Variants in ZNF148 observed in about 807,000 individuals in gnomAD.
ZNF148 encodes the protein zinc finger protein 148, also known as Beta-Enolase Repressor Factor-1.
ZNF148 carries 7 observed loss-of-function variants against 67.7 expected under a neutral mutation model. The observed-to-expected ratio is 0.10, with a 90% CI of 0.06 to 0.19. ZNF148 has a LOEUF of 0.19. ZNF148 is among the 10% of genes least tolerant of loss of function. The pLI, the probability that ZNF148 is intolerant of heterozygous loss-of-function variation, is 1.00. For synonymous variants in ZNF148, 333 were observed against 330.7 expected, an observed-to-expected ratio of 1.01 and a Z score of -0.08; for missense variants, 583 against 947.1, an observed-to-expected ratio of 0.62 and a Z score of 5.05.
rs144886250 is a variant in ZNF148, at chr3:125,339,172, C to A, written c.-233-7934G>T. On this transcript the variant is annotated intron_variant, in intron 1 of 8. Transcript: ENST00000360647. ...AGATTACAGGTGTGAGCCACCATCC[C>A]CAGCCAGAAACACTAGCTTCTATTA... is the stretch of plus-strand genomic sequence containing the variant. 3.2e-3 allele frequency among the ~76,000 whole-genome samples: 483 copies of A among 152,198 alleles called. 10 individuals are homozygous for A. The highest frequency in any genetic ancestry group is 3.4e-3 in the Middle Eastern group (1 of 294).
intron 2 of ZNF148, among the ~76,000 whole-genome samples, chr3:125,329,354 T>C (rs1408113499): frequency 2.4e-5 from 3 of 126,820 alleles, no homozygotes; most frequent in East Asian, 4.2e-4. Context: ...ATTTTACATA[T>C]ATAAAATTTT....
chr3:125,359,525 A>G (rs1942471338), intron 1 of ZNF148, among the ~76,000 whole-genome samples: 1 of 152,186 alleles, frequency 6.6e-6, no homozygotes, highest in South Asian at 2.1e-4. Context: ...AAAGAAAGTA[A>G]AGAGTCCACT....
In ZNF148 at chr3:125,283,646, T is replaced by A. The variant is rs546068191; in HGVS notation, c.460-4399A>T. Among the ~76,000 whole-genome samples the A allele has an allele frequency of 2.0e-5, 3 of 152,276 alleles. No homozygotes were observed. In the East Asian group the frequency reaches 5.8e-4, roughly 29 times the overall value. On this transcript the variant is annotated intron_variant, in intron 5 of 8. Coordinates refer to ENST00000360647, the MANE Select transcript of ZNF148 (RefSeq NM_021964.3). ...TACTATTCCATACTTCCTGTTTGCA[T>A]CCTCCGTCTTATAATCAGTTCATCT...
chr3:125,340,355 T>C (rs1941661545), intron 1 of ZNF148, among the ~76,000 whole-genome samples: 1 of 152,234 alleles, frequency 6.6e-6, no homozygotes, highest in South Asian at 2.1e-4. Context: ...GGCCTGAGGC[T>C]GTTTTCCACC....
At position 125,257,280 on chromosome 3, in the gene ZNF148, G is replaced by A. The variant is rs990023497; in HGVS notation, c.667+20446C>T. ...TTTTAAAATAGGTTTGGCCGGGCAC[G>A]GTGGCTCACGCCTGTAATCCCAGCA... On this transcript the variant is annotated intron_variant, in intron 7 of 8. Transcript: ENST00000360647. Among the ~76,000 whole-genome samples the A allele has an allele frequency of 1.6e-4, 24 of 152,058 alleles. 1 individual carries two copies. The highest frequency in any genetic ancestry group is 4.6e-4 in the African/African-American group (19 of 41,506).
At chr3:125,357,754 G>GT (rs1301580071) in intron 1 of ZNF148, 1 of 152,254 alleles carries the variant, frequency 6.6e-6, no homozygotes, top group Non-Finnish European at 1.5e-5. Context: ...ACCAAGGCCT[G>GT]TTTAAGCCCC....
At chr3:125,345,965 T>C (rs989765943) in intron 1 of ZNF148, among the ~76,000 whole-genome samples, 1 of 152,218 alleles carries the variant, frequency 6.6e-6, no homozygotes, top group African/African-American at 2.4e-5. Context: ...GGGGAGAATA[T>C]TCTTCAACTC....
intron 1 of ZNF148, among the ~76,000 whole-genome samples, chr3:125,349,194 A>C (rs1279963083): frequency 1.3e-5 from 2 of 152,240 alleles, no homozygotes; most frequent in Non-Finnish European, 2.9e-5. Flanking sequence ...TTTGACACCA[A>C]AAGCACGGGC....
chr3:125,236,194 T>C (rs551907040), intron 7 of ZNF148, among the ~76,000 whole-genome samples: 2 of 152,252 alleles, frequency 1.3e-5, no homozygotes, highest in African/African-American at 4.8e-5. Context: ...TAAATTATAC[T>C]GATGTAGTTC....
intron 1 of ZNF148, among the ~76,000 whole-genome samples, chr3:125,362,998 C>G (rs1942591339): frequency 6.6e-6 from 1 of 152,062 alleles, no homozygotes; most frequent in South Asian, 2.1e-4. Context: ...GGATATTTTC[C>G]CAAGGTCTGA....
intron 7 of ZNF148, among the ~76,000 whole-genome samples, chr3:125,277,163 G>A (rs1021976909): frequency 2.0e-5 from 3 of 152,184 alleles, no homozygotes; most frequent in African/African-American, 7.2e-5. Flanking sequence ...TGGTTTTACC[G>A]TTGGCAAAAA....
At chr3:125,268,930 T>G (rs1459290027) in intron 7 of ZNF148, among the ~76,000 whole-genome samples, 1 of 151,954 alleles carries the variant, frequency 6.6e-6, no homozygotes. Flanking sequence ...TGGGAGAAAA[T>G]ATTCACAAAC....
intron 1 of ZNF148, among the ~76,000 whole-genome samples, chr3:125,361,786 T>C (rs1942549569): frequency 1.3e-5 from 2 of 152,014 alleles, no homozygotes; most frequent in South Asian, 2.1e-4. Flanking sequence ...TGAGCCAAGA[T>C]TATGCCACTG....
At chr3:125,316,638 A>C (rs940336224) in intron 3 of ZNF148, among the ~76,000 whole-genome samples, 33 of 152,160 alleles carry the variant, frequency 2.2e-4, no homozygotes. Context: ...TGCCATTTAT[A>C]TCTCTTCTTT....
At position 125,233,811 on chromosome 3, in the gene ZNF148, T is replaced by C; in HGVS notation, c.915A>G (p.Thr305=). Residue 305 remains threonine, a synonymous_variant, in exon 9 of 9, where the codon ACA becomes ACG. Coordinates refer to ENST00000360647, the MANE Select transcript of ZNF148 (RefSeq NM_021964.3). This position sits in a 1 kb window ranked among gnomAD's most constrained non-coding sequence, Gnocchi z 5.1. ...LTSEEDSGFS[T]SPKDNSLPKK... ...TTGGCAGTGAGTTGTCTTTTGGTGA[T>C]GTAGAAAAGCCAGAATCTTCCTCAG... is the stretch of plus-strand genomic sequence containing the variant. The C allele has an allele frequency of 5.6e-6, 9 of 1,613,886 alleles. No homozygotes were observed. The highest frequency in any genetic ancestry group is 7.6e-6 in the Non-Finnish European group (9 of 1,179,902).
chr3:125,264,405 G>A (rs1937479143), intron 7 of ZNF148, among the ~76,000 whole-genome samples: 2 of 152,202 alleles, frequency 1.3e-5, no homozygotes. Context: ...GCCGGCTGGT[G>A]TCCAAAGAGT....
chr3:125,232,273 A>G lies in ZNF148; in HGVS notation c.*68T>C. 6.7e-7 allele frequency: 1 copy of G among 1,498,238 alleles called. No individual in the cohort carries two copies. Among genetic ancestry groups the G allele is most frequent in the Non-Finnish European group, 8.9e-7 (1 of 1,124,314 alleles). The allele number at this position is 1,498,238 out of a possible 1,614,324, so 92.8% of individuals were successfully genotyped here. A position where few individuals can be genotyped will look rare whatever the true frequency, so the allele number is the denominator to read the frequency against. On this transcript the variant is annotated 3_prime_UTR_variant, in exon 9 of 9. Coordinates refer to ENST00000360647, the MANE Select transcript of ZNF148 (RefSeq NM_021964.3). This position sits in a 1 kb window ranked among gnomAD's most constrained non-coding sequence, Gnocchi z 4.2. ...TAAATCTGTACAGCACTCCATTTAC[A>G]CAGAGTAACCCCACTCTTGATTAAT...
chr3:125,258,535 G>A (rs575151631), intron 7 of ZNF148, among the ~76,000 whole-genome samples: 2 of 151,902 alleles, frequency 1.3e-5, no homozygotes, highest in South Asian at 2.1e-4. Flanking sequence ...CCAAGTAGCT[G>A]GGTCTACAGG....
chr3:125,334,001 A>C (rs1340971080), intron 1 of ZNF148, among the ~76,000 whole-genome samples: 1 of 152,236 alleles, frequency 6.6e-6, no homozygotes, highest in African/African-American at 2.4e-5. Flanking sequence ...ATGTTAATAG[A>C]TACACAATAA....
Sources: gnomAD v4.1 joint callset for allele counts (sites outside exome capture counted in the v4.1 genomes callset) on GRCh38, gnomAD v4.1.1 for gene constraint, Gnocchi (gnomAD v3.1) non-coding constraint, MANE v1.5 for transcripts, NCBI Gene and HGNC (gene_info 2026-07-23, HGNC 2026-07-21) for gene names.